ZNF547: variants seen among roughly 807,000 people sequenced by gnomAD.
ZNF547 encodes the protein zinc finger protein 547.
Under a neutral mutation model 7.7 loss-of-function variants are expected in ZNF547, and 4 were observed. The ratio of observed to expected loss-of-function variants is 0.52; its 90% confidence interval spans 0.26 to 1.20. ZNF547 has a LOEUF of 1.20. ZNF547 is among the 50% of genes most tolerant of loss of function. The pLI, the probability that ZNF547 is intolerant of heterozygous loss-of-function variation, is 0.14. For synonymous variants in ZNF547, 166 were observed against 166.2 expected (o/e 1.00, Z 0.01); for missense variants, 449 against 485.8 (o/e 0.92, Z 0.71).
intron 3 of ZNF547, among the ~76,000 whole-genome samples, chr19:57,372,868 C>G (rs944383881): frequency 1.3e-5 from 2 of 152,232 alleles, no homozygotes; most frequent in African/African-American, 4.8e-5. Flanking sequence ...ACACTGCTCA[C>G]TAGTCACCAG....
In ZNF547 at chr19:57,379,346, A is replaced by G. The variant is rs1031356978; in HGVS notation, c.*1161A>G. On this transcript the variant is annotated 3_prime_UTR_variant, in exon 4 of 4. Coordinates refer to ENST00000282282, the MANE Select transcript of ZNF547 (RefSeq NM_173631.4). The stretch of plus-strand genomic sequence containing the variant: ...CTAATCCATAGAAGGCAACATTTCT[A>G]ACAGGTTTCTAGGTGATTTTGTTGT... 2.6e-5 allele frequency: 4 copies of G among 152,252 alleles called. No individual in the cohort carries two copies. Among genetic ancestry groups the G allele is most frequent in the Non-Finnish European group, 5.9e-5 (4 of 68,064 alleles). The allele number at this position is 152,252 out of a possible 1,614,324, so 9.4% of individuals were successfully genotyped here.
At chr19:57,375,489 T>C (rs1049877761) in intron 3 of ZNF547, among the ~76,000 whole-genome samples, 3 of 151,056 alleles carry the variant, frequency 2.0e-5, no homozygotes, top group African/African-American at 7.3e-5. Context: ...CCGTCTCTAC[T>C]AAGAATAACA....
rs749607180 is a variant in ZNF547, at chr19:57,365,117, T to A, written c.-13+1414T>A. On this transcript the variant is annotated intron_variant, in intron 1 of 3. Transcript: ENST00000282282. ...CATGACATAAGACAAGAAGATGGAA[T>A]AAAGAACTTCTTTACTGATGTTTAT... 2.5e-6 allele frequency: 4 copies of A among 1,608,312 alleles called. No individual in the cohort carries two copies. The South Asian group carries it at 4.4e-5, about 18-fold the overall frequency.
intron 1 of ZNF547, chr19:57,364,441 T>C: frequency 1.0e-5 from 2 of 200,276 alleles, no homozygotes; most frequent in Middle Eastern, 2.0e-3. Context: ...TGGTGTAGAT[T>C]CTTCAAAAGA....
intron 3 of ZNF547, among the ~76,000 whole-genome samples, chr19:57,376,652 T>C (rs1001179812): frequency 2.0e-5 from 3 of 152,216 alleles, no homozygotes; most frequent in Non-Finnish European, 4.4e-5. Flanking sequence ...GTCCAGGTGC[T>C]GGGGTGATTA....
chr19:57,367,730 G>T (rs12052153), intron 1 of ZNF547, among the ~76,000 whole-genome samples: 74,641 of 152,098 alleles, frequency 0.49, 19,240 homozygotes, highest in East Asian at 0.67. Context: ...CTACAGGCTT[G>T]GCTGACCCTC....
At chr19:57,369,886 T>C (rs930514285) in intron 2 of ZNF547, among the ~76,000 whole-genome samples, 9 of 141,382 alleles carry the variant, frequency 6.4e-5, no homozygotes, top group Admixed American at 5.2e-4. Context: ...AGAAGTTTAA[T>C]TGACTCACAG....
Position 57,378,243 on chromosome 19 carries a change from G to T in ZNF547, c.*58G>T. The stretch of plus-strand genomic sequence containing the variant: ...CTTCAGTCACCAACATATTGTGGCT[G>T]GACAGCAGGCAGTACACACTGGAGA... On this transcript the variant is annotated 3_prime_UTR_variant, in exon 4 of 4. Transcript: ENST00000282282. The T allele has an allele frequency of 6.7e-7, 1 of 1,489,622 alleles. No homozygotes were observed. Among genetic ancestry groups the T allele is most frequent in the African/African-American group, 1.4e-5 (1 of 72,506 alleles). 92.3% of individuals were successfully genotyped at this position (1,489,622 alleles called of 1,614,324 possible). A position where few individuals can be genotyped will look rare whatever the true frequency, so the allele number is the denominator to read the frequency against.
Position 57,377,900 on chromosome 19 carries a change from G to T in ZNF547, c.924G>T (p.Arg308Ser), listed in dbSNP as rs756289951. 1 of 1,613,790 alleles carries T rather than the reference G, an allele frequency of 6.2e-7. No individual in the cohort carries two copies. Among genetic ancestry groups the T allele is most frequent in the South Asian group, 1.1e-5 (1 of 91,046 alleles). The part of the protein sequence containing the change: ...CSECGKFFME[R>S]STLSRHQRVH... ...AATGTGGGAAATTCTTTATGGAAAGGTCTACACTCAGTAGACATCAGAGAG... is the reference window on the plus strand; with the variant it reads ...AATGTGGGAAATTCTTTATGGAAAGTTCTACACTCAGTAGACATCAGAGAG... The change falls in exon 4 of 4, where the codon AGG becomes AGT. Residue 308 changes from arginine to serine, a missense_variant. By Grantham distance (110) the Arg-to-Ser change is moderately radical. Coordinates refer to ENST00000282282, the MANE Select transcript of ZNF547 (RefSeq NM_173631.4).
chr19:57,373,494 A>G (rs1215678957), intron 3 of ZNF547, among the ~76,000 whole-genome samples: 2 of 148,234 alleles, frequency 1.3e-5, no homozygotes, highest in African/African-American at 2.5e-5. Flanking sequence ...CCTTCCTAAC[A>G]GTCCTCCAAA....
intron 2 of ZNF547, among the ~76,000 whole-genome samples, chr19:57,369,899 C>CCTTTTTTT (rs2088493597): frequency 1.9e-5 from 1 of 51,678 alleles, no homozygotes; most frequent in African/African-American, 7.8e-5. Flanking sequence ...ACTCACAGTT[C>CCTTTTTTT]TTTTTTTTTT....
Position 57,378,412 on chromosome 19 carries a change from G to A in ZNF547, c.*227G>A. 1.4e-6 allele frequency: 1 copy of A among 701,830 alleles called. No homozygotes were observed. The highest frequency in any genetic ancestry group is 1.5e-5 in the South Asian group (1 of 68,038). The allele number at this position is 701,830 out of a possible 1,614,324, so 43.5% of individuals were successfully genotyped here. On this transcript the variant is annotated 3_prime_UTR_variant, in exon 4 of 4. Transcript: ENST00000282282. ...GACTCTCATCTCATTAGACATTGGA[G>A]AGTTTACACTGAAGAAGAGTCTTTT...
At chr19:57,366,649 G>A (rs533106327) in intron 1 of ZNF547, among the ~76,000 whole-genome samples, 6 of 145,910 alleles carry the variant, frequency 4.1e-5, no homozygotes, top group Admixed American at 1.4e-4. Flanking sequence ...GACTTCAAGC[G>A]ATTCTCCTGC....
Position 57,365,193 on chromosome 19 carries a change from T to C in ZNF547, c.-13+1490T>C, listed in dbSNP as rs751558085. The C allele has an allele frequency of 7.3e-5, 116 of 1,591,730 alleles. No homozygotes were observed. The African/African-American group carries it at 1.3e-3, about 18-fold the overall frequency. On this transcript the variant is annotated intron_variant, in intron 1 of 3. Transcript: ENST00000282282. ...ATCCATTTTATGAACCCAATTCTCCTATTCGATCAAGTGCATTTGACAGAA... is the reference window on the plus strand; with the variant it reads ...ATCCATTTTATGAACCCAATTCTCCCATTCGATCAAGTGCATTTGACAGAA...
intron 3 of ZNF547, among the ~76,000 whole-genome samples, chr19:57,372,329 T>TGTGAAGTTCTG (rs1324652147): frequency 3.9e-5 from 6 of 152,240 alleles, no homozygotes; most frequent in Non-Finnish European, 8.8e-5. Flanking sequence ...AGAAATCTTC[T>TGTGAAGTTCTG]GTGAAGTTCT....
intron 3 of ZNF547, among the ~76,000 whole-genome samples, chr19:57,374,499 C>T (rs2088524605): frequency 6.6e-6 from 1 of 152,236 alleles, no homozygotes; most frequent in African/African-American, 2.4e-5. Flanking sequence ...CCATCACCTT[C>T]GTGGTTAACA....
Position 57,377,593 on chromosome 19 carries a change from A to C in ZNF547, c.617A>C (p.His206Pro). The C allele has an allele frequency of 6.2e-7, 1 of 1,614,268 alleles. No individual in the cohort carries two copies. Among genetic ancestry groups the C allele is most frequent in the Non-Finnish European group, 8.5e-7 (1 of 1,180,052 alleles). The change falls in exon 4 of 4, where the codon CAC becomes CCC. Residue 206 changes from histidine to proline, a missense_variant. Physicochemically the swap from His to Pro is moderately conservative, Grantham distance 77. Coordinates refer to ENST00000282282, the MANE Select transcript of ZNF547 (RefSeq NM_173631.4). ...ACACTCAATAGACATCAGAGAACTC[A>C]CACTGGAGAAAGGCCTTATGAGTGC... Reference protein sequence around the residue: ...RSTLNRHQRTHTGERPYECNE... With the variant: ...RSTLNRHQRTPTGERPYECNE...
rs149294579 is a variant in ZNF547, at chr19:57,377,662, G to A, written c.686G>A (p.Arg229His). Residue 229 changes from arginine (R) to histidine (H), a missense_variant, in exon 4 of 4, where the codon CGT becomes CAT. Coordinates refer to ENST00000282282, the MANE Select transcript of ZNF547 (RefSeq NM_173631.4). ...TTTCTTTGTAAGTCTCACCTTGTTC[G>A]TCACCAGACAATCCACTCTGGAGAA... ...KAFLCKSHLV[R>H]HQTIHSGERP... The A allele has an allele frequency of 4.6e-5, 75 of 1,613,208 alleles. No individual in the cohort carries two copies. Among genetic ancestry groups the A allele is most frequent in the African/African-American group, 4.2e-4 (31 of 74,690 alleles).
chr19:57,377,305 C>T lies in ZNF547; in HGVS notation c.329C>T (p.Pro110Leu), dbSNP rs1254195766. The change falls in exon 4 of 4, where the codon CCC becomes CTC. Residue 110 changes from proline (P) to leucine (L), a missense_variant. By Grantham distance (98) the Pro-to-Leu change is moderately conservative. Coordinates refer to ENST00000282282, the MANE Select transcript of ZNF547 (RefSeq NM_173631.4). The stretch of plus-strand genomic sequence containing the variant: ...CTGGCTGAGCATGACGGAACACACC[C>T]CGAGCAGGGACTGTACACGTGTCCA... ...LRLAEHDGTH[P>L]EQGLYTCPAH... 1.2e-6 allele frequency: 2 copies of T among 1,614,066 alleles called. No individual in the cohort carries two copies. Among genetic ancestry groups the T allele is most frequent in the Non-Finnish European group, 1.7e-6 (2 of 1,180,044 alleles).
Sources: gnomAD v4.1 joint callset for allele counts (sites outside exome capture counted in the v4.1 genomes callset) on GRCh38, gnomAD v4.1.1 for gene constraint, MANE v1.5 for transcripts, NCBI Gene and HGNC (gene_info 2026-07-23, HGNC 2026-07-21) for gene names.